TEX14: variants seen among roughly 807,000 people sequenced by gnomAD.
TEX14 encodes inactive serine/threonine-protein kinase TEX14.
In TEX14, 168 loss-of-function variants were observed where a neutral mutation model predicts 178.6. The ratio of observed to expected loss-of-function variants is 0.94; its 90% CI spans 0.83 to 1.07. The LOEUF is 1.07. Among genes scored for constraint, TEX14 ranks in the 50% least tolerant of loss-of-function variants. The pLI, the probability that TEX14 is intolerant of heterozygous loss-of-function variation, is 0.00. For missense variants in TEX14, 1,730 were observed against 1,753.6 expected (o/e 0.99, Z 0.24); for synonymous variants, 626 against 634.1 (o/e 0.99, Z 0.19).
intron 1 of TEX14, among the ~76,000 whole-genome samples, chr17:58,685,202 G>A (rs1287542024): frequency 1.3e-5 from 2 of 152,036 alleles, no homozygotes; most frequent in African/African-American, 2.4e-5. Flanking sequence ...GGGAGGCCGA[G>A]GTGGGTGGAT....
At chr17:58,586,144 A>G (rs1344776596) in intron 17 of TEX14, 62 bp from the exon 18 acceptor site, 6 of 1,503,076 alleles carry the variant, frequency 4.0e-6, no homozygotes, top group Non-Finnish European at 4.5e-6. Flanking sequence ...ACAGGCTTTC[A>G]TCTAAAAGAA....
intron 8 of TEX14, 122 bp from the exon 9 acceptor site, chr17:58,613,666 TTC>T (rs1374898681): frequency 8.9e-7 from 1 of 1,123,514 alleles, no homozygotes; most frequent in Non-Finnish European, 1.2e-6. Context: ...TTCTTTTCTT[TTC>T]TTTTTTTTTT....
At chr17:58,650,634 T>C (rs1280267146) in intron 2 of TEX14, among the ~76,000 whole-genome samples, 1 of 152,068 alleles carries the variant, frequency 6.6e-6, no homozygotes, top group Non-Finnish European at 1.5e-5. Flanking sequence ...TCTTTATTTT[T>C]TATTTTTTGT....
intron 2 of TEX14, among the ~76,000 whole-genome samples, chr17:58,646,075 CTTGG>C (rs1159785913): frequency 6.6e-6 from 1 of 151,840 alleles, no homozygotes; most frequent in Non-Finnish European, 1.5e-5. Flanking sequence ...ATTTTTGATA[CTTGG>C]TTGGTTGAAT....
At chr17:58,661,564 C>T (rs776851524) in intron 1 of TEX14, 1 of 739,790 alleles carries the variant, frequency 1.4e-6, no homozygotes, top group Non-Finnish European at 2.5e-6. Context: ...CGGGGAGCCG[C>T]GGCGGCGGCA....
At chr17:58,629,692 C>T (rs1256130583) in intron 3 of TEX14, among the ~76,000 whole-genome samples, 1 of 150,558 alleles carries the variant, frequency 6.6e-6, no homozygotes. Context: ...AAAATTAGCC[C>T]GGCGTGGTGG....
rs757294625 is a variant in TEX14 at position 58,599,518 on chromosome 17, G to A, written c.1827C>T (p.Ser609=). ...PAPFMAEEAS[S]PSTGQPSLCS... ...AGAGGCTTGGCTGACCTGTGCTGGG[G>A]CTGCTGGCCTCTTCTGCCATAAATG... Residue 609 remains serine, a synonymous_variant, in exon 14 of 32, where the codon AGC becomes AGT. Transcript: ENST00000349033. 11 of 1,613,918 alleles carry A rather than the reference G, an allele frequency of 6.8e-6. No individual in the cohort carries two copies. In the East Asian group the frequency reaches 2.0e-4, roughly 29 times the overall value.
chr17:58,591,115 T>C (rs781587878), intron 15 of TEX14, among the ~76,000 whole-genome samples: 2 of 152,212 alleles, frequency 1.3e-5, no homozygotes, highest in Non-Finnish European at 2.9e-5. Flanking sequence ...CTTTGTCATC[T>C]AATGGCTATG....
Position 58,599,385 on chromosome 17 carries a change from C to T in TEX14, c.1960G>A (p.Val654Ile). The T allele has an allele frequency of 1.2e-6, 2 of 1,614,198 alleles. No individual in the cohort carries two copies. Among genetic ancestry groups the T allele is most frequent in the Non-Finnish European group, 1.7e-6 (2 of 1,180,046 alleles). The change falls in exon 14 of 32, where the codon GTA (valine) becomes ATA (isoleucine). Residue 654 changes from valine to isoleucine, a missense_variant. Val to Ile is a conservative substitution (Grantham distance 29, BLOSUM62 3). Transcript: ENST00000349033. ...SSLEADGPNQ[V>I]DELKSMEEEL... ...TCTTCCATGGATTTCAGTTCATCTA[C>T]CTGGTTAGGTCCGTCTGCCTCCAAA...
At chr17:58,574,356 G>T in intron 21 of TEX14, 107 bp from the exon 22 acceptor site, 2 of 811,290 alleles carry the variant, frequency 2.5e-6, no homozygotes, top group Non-Finnish European at 4.1e-6. Flanking sequence ...AGACGCAGAG[G>T]AAAGGGCACT....
At chr17:58,601,293 C>T (rs1183090667) in intron 13 of TEX14, among the ~76,000 whole-genome samples, 6 of 151,934 alleles carry the variant, frequency 3.9e-5, no homozygotes, top group African/African-American at 7.3e-5. Flanking sequence ...GAGGCCAAGG[C>T]GGGTGGATCA....
intron 1 of TEX14, among the ~76,000 whole-genome samples, chr17:58,667,214 A>G (rs950623703): frequency 6.6e-6 from 1 of 152,180 alleles, no homozygotes. Flanking sequence ...GGAACAGGGC[A>G]TGCTAGCAGG....
rs1291509256 is a variant in TEX14 at position 58,581,040 on chromosome 17, T to C, written c.3172-1309A>G. 2.0e-5 allele frequency among the ~76,000 whole-genome samples: 3 copies of C among 152,160 alleles called. No homozygotes were observed. In the East Asian group the frequency reaches 5.8e-4, roughly 30 times the overall value. On this transcript the variant is annotated intron_variant, in intron 19 of 31. Coordinates refer to ENST00000349033, the MANE Select transcript of TEX14 (RefSeq NM_031272.5). ...GAATAAAAACATTTTGAGCCAGGCA[T>C]GGTGGCTCACGCCTGTAATCCCAGC...
intron 2 of TEX14, among the ~76,000 whole-genome samples, chr17:58,648,786 C>CTTTTTTTTTTT (rs34918333): frequency 8.0e-4 from 72 of 89,712 alleles, no homozygotes; most frequent in Admixed American, 1.0e-3. Flanking sequence ...CTTTTTTTTT[C>CTTTTTTTTTTT]TTTTTTTTTT....
intron 1 of TEX14, among the ~76,000 whole-genome samples, chr17:58,653,910 G>A (rs1344063079): frequency 1.3e-5 from 2 of 152,052 alleles, no homozygotes; most frequent in Non-Finnish European, 2.9e-5. Context: ...GGCCGGGCAT[G>A]GTGGCTCATG....
Position 58,605,099 on chromosome 17 carries a change from A to G in TEX14, c.1215T>C (p.Thr405=). 6.2e-7 allele frequency: 1 copy of G among 1,614,160 alleles called. No homozygotes were observed. ...ATAGCTGCGTAGGAAGGGGCACTCG[A>G]GTCAGGTCCCTCTGTACACCTCTGT... is the stretch of plus-strand genomic sequence containing the variant. ...SEDRGVQRDL[T]RVPLPTQLYN... is the part of the protein sequence containing the mutation. Residue 405 remains threonine (T), a synonymous_variant, in exon 11 of 32, where the codon ACT becomes ACC. Transcript: ENST00000349033.
intron 1 of TEX14, among the ~76,000 whole-genome samples, chr17:58,685,023 A>C (rs2047567072): frequency 6.6e-6 from 1 of 152,234 alleles, no homozygotes; most frequent in Non-Finnish European, 1.5e-5. Context: ...TAAAATTAAA[A>C]ATTAAAAAAG....
In TEX14 at chr17:58,629,329, T is replaced by C. The variant is rs938599859; in HGVS notation, c.251+1111A>G. Among the ~76,000 whole-genome samples the C allele has an allele frequency of 2.0e-5, 3 of 151,782 alleles. 1 individual carries two copies. Among genetic ancestry groups the C allele is most frequent in the Admixed American group, 2.0e-4 (3 of 15,228 alleles). ...ATTAGCCAGGCCTGGTGGTGCCCAC[T>C]TGTAATCCCAGCTACTAGGGAGGCT... On this transcript the variant is annotated intron_variant, in intron 3 of 31. Coordinates refer to ENST00000349033, the MANE Select transcript of TEX14 (RefSeq NM_031272.5).
chr17:58,602,466 G>C lies in TEX14; in HGVS notation c.1461C>G (p.His487Gln), dbSNP rs148528216. ...PYYDIVKSGI[H>Q]VKQKDRTMNL... ...TCATAGTTCGGTCTTTCTGCTTGAC[G>C]TGGATGCCTGACTTAACAATATCAT... Residue 487 changes from histidine (H) to glutamine (Q), a missense_variant, in exon 12 of 32, where the codon CAC becomes CAG. Around this residue, in one of 2 missense-constraint regions of TEX14, gnomAD observed 789 missense variants for 681.2 expected, o/e 1.16. Transcript: ENST00000349033. 1.9e-6 allele frequency: 3 copies of C among 1,613,854 alleles called. No individual in the cohort carries two copies. Among genetic ancestry groups the C allele is most frequent in the African/African-American group, 2.7e-5 (2 of 74,860 alleles).
Sources: allele counts gnomAD v4.1 joint callset (sites outside exome capture counted in the v4.1 genomes callset), GRCh38; gene constraint gnomAD v4.1.1; regional missense constraint gnomAD v4.1.1; transcripts MANE v1.5; gene names NCBI Gene and HGNC (gene_info 2026-07-23, HGNC 2026-07-21).